Variants in LRRK2 observed in about 807,000 individuals in gnomAD.
The protein encoded by LRRK2 is leucine-rich repeat serine/threonine-protein kinase 2.
LRRK2 carries 203 observed loss-of-function variants against 302.6 expected under a neutral mutation model. That is an observed-to-expected ratio of 0.67 (90% CI 0.60 to 0.75). The LOEUF is 0.75. Among genes scored for constraint, LRRK2 ranks in the 30% least tolerant of loss-of-function variants. The pLI is 0.00. For missense variants in LRRK2, 2,830 were observed against 2,951.0 expected, an observed-to-expected ratio of 0.96 and a Z score of 0.95; for synonymous variants, 1,066 against 1,031.9, an observed-to-expected ratio of 1.03 and a Z score of -0.63.
rs758448437 is a variant in LRRK2 at position 40,340,357 on chromosome 12, A to G, written c.6012A>G (p.Thr2004=). The change falls in exon 41 of 51, where the codon ACA becomes ACG. Residue 2004 remains threonine (T), a synonymous_variant. Coordinates refer to ENST00000298910, the MANE Select transcript of LRRK2 (RefSeq NM_198578.4). ...AACCCCACAATGTGCTGCTTTTCAC[A>G]CTGTATCCCAATGCTGCCATCATTG... ...DLKPHNVLLF[T]LYPNAAIIAK... The G allele has an allele frequency of 2.5e-6, 4 of 1,613,800 alleles. No individual in the cohort carries two copies. The highest frequency in any genetic ancestry group is 3.3e-5 in the Admixed American group (2 of 59,986).
At chr12:40,327,082 AG>A (rs1945576504) in intron 38 of LRRK2, among the ~76,000 whole-genome samples, 1 of 152,220 alleles carries the variant, frequency 6.6e-6, no homozygotes, top group Admixed American at 6.5e-5. Flanking sequence ...ATATCCATCA[AG>A]TGACTACATT....
At chr12:40,334,496 A>G (rs61007767) in intron 39 of LRRK2, among the ~76,000 whole-genome samples, 24,733 of 152,204 alleles carry the variant, frequency 0.16, 2,363 homozygotes, top group African/African-American at 0.25. Context: ...CACATGTTTT[A>G]TATGTTATCT....
At chr12:40,275,826 G>A (rs528715549) in intron 16 of LRRK2, among the ~76,000 whole-genome samples, 1 of 151,928 alleles carries the variant, frequency 6.6e-6, no homozygotes. Context: ...TCCCAGGCTG[G>A]TCTCAAACTC....
intron 47 of LRRK2, among the ~76,000 whole-genome samples, chr12:40,361,397 T>C (rs1946701694): frequency 1.3e-5 from 2 of 152,146 alleles, no homozygotes; most frequent in African/African-American, 4.8e-5. Flanking sequence ...GCAGGTTTGT[T>C]ACAAAAGTAT....
chr12:40,294,562 T>C (rs1944306311), intron 21 of LRRK2, among the ~76,000 whole-genome samples: 1 of 152,092 alleles, frequency 6.6e-6, no homozygotes, highest in South Asian at 2.1e-4. Flanking sequence ...GTTTGGTTAA[T>C]GAGAAATTAT....
intron 14 of LRRK2, among the ~76,000 whole-genome samples, chr12:40,273,499 C>T (rs976612107): frequency 6.6e-6 from 1 of 152,094 alleles, no homozygotes; most frequent in Non-Finnish European, 1.5e-5. Flanking sequence ...CATTAGGGGA[C>T]TAGACTGAGA....
chr12:40,315,184 T>C (rs777643179), intron 32 of LRRK2, 28 bp from the exon 33 acceptor site: 4 of 1,554,708 alleles, frequency 2.6e-6, no homozygotes, highest in Non-Finnish European at 3.6e-6. Context: ...GATTCCATGT[T>C]TCACTGTTTG....
chr12:40,239,893 T>C (rs982029453), intron 5 of LRRK2, among the ~76,000 whole-genome samples: 1 of 152,190 alleles, frequency 6.6e-6, no homozygotes, highest in Non-Finnish European at 1.5e-5. Context: ...TACATGTTTT[T>C]CAGGTTGTTG....
rs1368131495 is a variant in LRRK2, at chr12:40,243,537, T to A, written c.707-13T>A. 8.1e-6 allele frequency: 13 copies of A among 1,610,212 alleles called. No homozygotes were observed. The Admixed American group carries it at 2.2e-4, about 27-fold the overall frequency. On this transcript the variant is annotated splice_polypyrimidine_tract_variant and intron_variant, in intron 6 of 50. Coordinates refer to ENST00000298910, the MANE Select transcript of LRRK2 (RefSeq NM_198578.4). ...GGTTACCTTATTGATAATTATGATC[T>A]CTTTAAATTCAGGCAATAATGTGGA...
Position 40,305,778 on chromosome 12 carries a change from C to CA in LRRK2, c.3778-6dup. 6.2e-7 allele frequency: 1 copy of CA among 1,612,910 alleles called. No individual in the cohort carries two copies. The highest frequency in any genetic ancestry group is 1.3e-5 in the African/African-American group (1 of 74,868). ...CAACAGGTTTTGCCCTTTTTTTTCCCATTAAGATTCCTCCTGAGATTGGCT... is the reference window on the plus strand; with the variant it reads ...CAACAGGTTTTGCCCTTTTTTTTCCCAATTAAGATTCCTCCTGAGATTGGCT... On this transcript the variant is annotated splice_region_variant and splice_polypyrimidine_tract_variant and intron_variant, in intron 27 of 50. Transcript: ENST00000298910.
At chr12:40,291,315 A>G (rs1944145267) in intron 20 of LRRK2, among the ~76,000 whole-genome samples, 1 of 151,828 alleles carries the variant, frequency 6.6e-6, no homozygotes, top group Admixed American at 6.6e-5. Context: ...GCATTAGGAG[A>G]TACACCTAAT....
At chr12:40,290,687 T>C (rs1356661314) in intron 20 of LRRK2, among the ~76,000 whole-genome samples, 3 of 152,134 alleles carry the variant, frequency 2.0e-5, no homozygotes, top group Non-Finnish European at 4.4e-5. Context: ...TAATGTTACT[T>C]ATAGCAATTA....
chr12:40,279,439 A>C (rs1277937399), intron 18 of LRRK2, among the ~76,000 whole-genome samples: 1 of 152,114 alleles, frequency 6.6e-6, no homozygotes, highest in East Asian at 1.9e-4. Context: ...TCTTTTAAGC[A>C]AGCAACAATT....
In LRRK2 at chr12:40,312,847, A is replaced by G. The variant is rs1014806274; in HGVS notation, c.4537-1125A>G. 4 of 152,042 alleles carry G rather than the reference A, an allele frequency of 2.6e-5. No homozygotes were observed. The East Asian group carries it at 7.7e-4, about 29-fold the overall frequency. 9.4% of individuals were successfully genotyped at this position (152,042 alleles called of 1,614,324 possible). A position where few individuals can be genotyped will look rare whatever the true frequency, so the allele number is the denominator to read the frequency against. ...GCCTTGGATTAAAACATAAACCTCA[A>G]TCTGAAGTTCAATTTCATCTTAATT... On this transcript the variant is annotated intron_variant, in intron 31 of 50. Coordinates refer to ENST00000298910, the MANE Select transcript of LRRK2 (RefSeq NM_198578.4).
At position 40,232,375 on chromosome 12, in the gene LRRK2, T is replaced by A; in HGVS notation, c.339T>A (p.Gly113=). Residue 113 remains glycine, a synonymous_variant, in exon 3 of 51, where the codon GGT becomes GGA. Coordinates refer to ENST00000298910, the MANE Select transcript of LRRK2 (RefSeq NM_198578.4). ...TTGGAAATGATTGGGAAGTCCTTGG[T>A]GTTCACCAGTAAGTATGATAGATAT... ...QDVGNDWEVL[G]VHQLILKMLT... is the part of the protein sequence containing the mutation. 6.2e-7 allele frequency: 1 copy of A among 1,610,906 alleles called. No individual in the cohort carries two copies. The highest frequency in any genetic ancestry group is 2.2e-5 in the East Asian group (1 of 44,846).
chr12:40,315,351 C>A, intron 33 of LRRK2, 51 bp downstream of exon 33: 1 of 1,413,430 alleles, frequency 7.1e-7, no homozygotes, highest in Non-Finnish European at 1.0e-6. Context: ...AAGCATAGAA[C>A]AGATGGCGCC....
intron 31 of LRRK2, among the ~76,000 whole-genome samples, chr12:40,311,769 T>C (rs1945044755): frequency 6.6e-6 from 1 of 152,200 alleles, no homozygotes; most frequent in Non-Finnish European, 1.5e-5. Context: ...TGTATGTTTG[T>C]ATCCTTCAAC....
intron 11 of LRRK2, among the ~76,000 whole-genome samples, chr12:40,256,700 G>A (rs1907632): frequency 0.13 from 19,395 of 152,206 alleles, 1,330 homozygotes; most frequent in South Asian, 0.16. Flanking sequence ...CAAAGCAGCT[G>A]AAGGCTGAAA....
intron 44 of LRRK2, among the ~76,000 whole-genome samples, chr12:40,353,754 G>T (rs1007799304): frequency 5.9e-5 from 9 of 152,270 alleles, no homozygotes; most frequent in African/African-American, 2.2e-4. Context: ...GGCCGAGGCT[G>T]GCAGATCACT....
Sources: gnomAD v4.1 joint callset for allele counts (sites outside exome capture counted in the v4.1 genomes callset) on GRCh38, gnomAD v4.1.1 for gene constraint, MANE v1.5 for transcripts, NCBI Gene and HGNC (gene_info 2026-07-23, HGNC 2026-07-21) for gene names.